FOXN1: variants seen among roughly 807,000 people sequenced by gnomAD.
FOXN1 encodes forkhead box N1, also known as forkhead box protein N1.
In FOXN1, 15 loss-of-function variants were observed where a neutral mutation model predicts 49.0. The ratio of observed to expected loss-of-function variants is 0.31; its 90% confidence interval spans 0.20 to 0.47. FOXN1 has a LOEUF of 0.47. Among genes scored for constraint, FOXN1 ranks in the 20% least tolerant of loss-of-function variants. The pLI is 1.00. For missense variants in FOXN1, 800 were observed against 842.8 expected, an observed-to-expected ratio of 0.95 and a Z score of 0.63; for synonymous variants, 356 against 369.0, an observed-to-expected ratio of 0.96 and a Z score of 0.40.
At position 28,537,878 on chromosome 17, in the gene FOXN1, C is replaced by G. The variant is rs2070109984; in HGVS notation, c.*442C>G. 3.9e-6 allele frequency: 1 copy of G among 256,394 alleles called. No individual in the cohort carries two copies. Among genetic ancestry groups the G allele is most frequent in the African/African-American group, 2.2e-5 (1 of 45,126 alleles). The allele number at this position is 256,394 out of a possible 1,614,324, so 15.9% of individuals were successfully genotyped here. ...CTTTGCTTACCAAAAGCTCAGGGCC[C>G]TGTGCCAGGCCAAAGATCCCCCCAG... On this transcript the variant is annotated 3_prime_UTR_variant, in exon 9 of 9. Transcript: ENST00000579795.
intron 1 of FOXN1, among the ~76,000 whole-genome samples, chr17:28,510,610 ACAC>A (rs1201731508): frequency 2.8e-5 from 4 of 142,072 alleles, no homozygotes; most frequent in African/African-American, 1.1e-4. Flanking sequence ...ACACACACAC[ACAC>A]ATCGCTGTGA....
rs1279415818 is a variant in FOXN1 at position 28,537,908 on chromosome 17, C to G, written c.*472C>G. 3.7e-5 allele frequency: 8 copies of G among 217,600 alleles called. 1 individual carries two copies. Among genetic ancestry groups the G allele is most frequent in the South Asian group, 2.2e-4 (3 of 13,796 alleles). 13.5% of individuals were successfully genotyped at this position (217,600 alleles called of 1,614,324 possible). A position where few individuals can be genotyped will look rare whatever the true frequency, so the allele number is the denominator to read the frequency against. On this transcript the variant is annotated 3_prime_UTR_variant, in exon 9 of 9. Transcript: ENST00000579795. ...CCAGGCCAAAGATCCCCCCAGACCC[C>G]CATTCTGACATCCACATGCTCTGCA...
rs1202762495 is a variant in FOXN1, at chr17:28,534,956, T to C, written c.1385T>C (p.Leu462Pro). 3.1e-6 allele frequency: 5 copies of C among 1,614,020 alleles called. No homozygotes were observed. In the Admixed American group the frequency reaches 6.7e-5, roughly 22 times the overall value. The part of the protein sequence containing the change: ...GQTYLHLSPG[L>P]APPGPPQPLF... The stretch of plus-strand genomic sequence containing the variant: ...ACATACTTGCACCTCTCACCAGGCC[T>C]GGCCCCTCCTGGACCCCCGCAGCCA... Residue 462 changes from leucine (L) to proline (P), a missense_variant, in exon 8 of 9, where the codon CTG becomes CCG. Leu to Pro is a moderately conservative substitution (Grantham distance 98). Coordinates refer to ENST00000579795, the MANE Select transcript of FOXN1 (RefSeq NM_001369369.1). The surrounding 1 kb of genome is among the most constrained non-coding windows in gnomAD (Gnocchi z 4.1).
chr17:28,524,615 A>C lies in FOXN1; in HGVS notation c.236A>C (p.Gln79Pro), dbSNP rs150894024. 1 of 1,613,454 alleles carries C rather than the reference A, an allele frequency of 6.2e-7. No homozygotes were observed. The highest frequency in any genetic ancestry group is 8.5e-7 in the Non-Finnish European group (1 of 1,179,960). ...GCGTCACCAGGGCCCGAGCAAGTCC[A>C]GGGCCACTGCCCAGCCGGCCCCGGC... The part of the protein sequence containing the change: ...RIASPGPEQV[Q>P]GHCPAGPGPG... Residue 79 changes from glutamine (Q) to proline (P), a missense_variant, in exon 3 of 9, where the codon CAG becomes CCG. Physicochemically the swap from Gln to Pro is moderately conservative, Grantham distance 76. Around this residue, in one of 3 missense-constraint regions of FOXN1, gnomAD observed 383 missense variants for 357.9 expected, o/e 1.07. Transcript: ENST00000579795.
intron 1 of FOXN1, among the ~76,000 whole-genome samples, chr17:28,519,680 CTG>C (rs2069601293): frequency 6.6e-6 from 1 of 152,210 alleles, no homozygotes; most frequent in African/African-American, 2.4e-5. Flanking sequence ...CCCCAGGACA[CTG>C]GGGCCAGCAG....
In FOXN1 at chr17:28,534,185, A is replaced by T. The variant is rs2069989990; in HGVS notation, c.928-146A>T. ...ACCACCAAAGGGTACCAAGCAAGGG[A>T]TGGGTGCTGAGGAGGACAACAAGCC... is the stretch of plus-strand genomic sequence containing the variant. On this transcript the variant is annotated intron_variant, in intron 6 of 8. Transcript: ENST00000579795. This position sits in a 1 kb window ranked among gnomAD's most constrained non-coding sequence, Gnocchi z 4.1. The T allele has an allele frequency of 3.6e-6, 4 of 1,124,724 alleles. No individual in the cohort carries two copies. Among genetic ancestry groups the T allele is most frequent in the Non-Finnish European group, 5.2e-6 (4 of 764,810 alleles). The allele number at this position is 1,124,724 out of a possible 1,614,324, so 69.7% of individuals were successfully genotyped here.
At chr17:28,533,583 T>C (rs1289290476) in intron 6 of FOXN1, among the ~76,000 whole-genome samples, 1 of 150,406 alleles carries the variant, frequency 6.6e-6, no homozygotes, top group Non-Finnish European at 1.5e-5. Flanking sequence ...CGATCATGGC[T>C]ACCCACAGTC....
chr17:28,535,342 C>A, intron 8 of FOXN1, 144 bp downstream of exon 8: 2 of 832,940 alleles, frequency 2.4e-6, no homozygotes, highest in South Asian at 3.4e-5. Flanking sequence ...CTGGACCTGG[C>A]AGGGGGAGCT....
At position 28,524,714 on chromosome 17, in the gene FOXN1, C is replaced by T. The variant is rs761166991; in HGVS notation, c.335C>T (p.Pro112Leu). 1 of 1,612,608 alleles carries T rather than the reference C, an allele frequency of 6.2e-7. No homozygotes were observed. The highest frequency in any genetic ancestry group is 1.7e-5 in the Admixed American group (1 of 59,784). The change falls in exon 3 of 9, where the codon CCT becomes CTT. Residue 112 changes from proline (P) to leucine (L), a missense_variant. This residue lies in a region of FOXN1 where 383 missense variants were observed against 357.9 expected (regional missense o/e 1.07). Transcript: ENST00000579795. ...TTTGAGGAGGCCGCAGCAAGCAGCCCTGGGCGATTCCTCAAGGGCAGCCAC... is the reference window on the plus strand; with the variant it reads ...TTTGAGGAGGCCGCAGCAAGCAGCCTTGGGCGATTCCTCAAGGGCAGCCAC... The part of the protein sequence containing the change: ...FGFEEAAASS[P>L]GRFLKGSHAP...
intron 1 of FOXN1, among the ~76,000 whole-genome samples, chr17:28,510,886 C>T (rs2069381554): frequency 6.6e-6 from 1 of 152,194 alleles, no homozygotes; most frequent in African/African-American, 2.4e-5. Context: ...AATGCCAAAT[C>T]CAGTATGATC....
chr17:28,508,374 G>C (rs2069311404), intron 1 of FOXN1, among the ~76,000 whole-genome samples: 1 of 152,204 alleles, frequency 6.6e-6, no homozygotes, highest in East Asian at 1.9e-4. Flanking sequence ...AGACAAGGGG[G>C]AAAGCCCACT....
chr17:28,530,926 G>C, intron 6 of FOXN1, 81 bp downstream of exon 6: 1 of 830,292 alleles, frequency 1.2e-6, no homozygotes, highest in East Asian at 2.4e-5. Flanking sequence ...CTTCTGTCTG[G>C]AGGTGGGAGA....
Position 28,534,232 on chromosome 17 carries a change from T to C in FOXN1, c.928-99T>C. 5.1e-6 allele frequency: 8 copies of C among 1,582,572 alleles called. No individual in the cohort carries two copies. The highest frequency in any genetic ancestry group is 3.3e-5 in the South Asian group (3 of 89,604). On this transcript the variant is annotated intron_variant, in intron 6 of 8. Transcript: ENST00000579795. The surrounding 1 kb of genome is among the most constrained non-coding windows in gnomAD (Gnocchi z 4.1). ...AGCCCCAGAGTGGGCGGCAGCTCTG[T>C]GCCCAGAGGAGAAACAGGAGTGTTC...
chr17:28,507,840 T>TCCTATCCTGGTCCC (rs1443921413), intron 1 of FOXN1, among the ~76,000 whole-genome samples: 3 of 152,194 alleles, frequency 2.0e-5, no homozygotes, highest in African/African-American at 7.2e-5. Context: ...GGGCAGGGCC[T>TCCTATCCTGGTCCC]CCTATCCTGG....
chr17:28,527,769 C>T (rs964549970), intron 4 of FOXN1, among the ~76,000 whole-genome samples: 1 of 152,198 alleles, frequency 6.6e-6, no homozygotes, highest in African/African-American at 2.4e-5. Context: ...CACCATCTTG[C>T]TATGTGACCT....
chr17:28,519,665 G>A (rs750511599), intron 1 of FOXN1, among the ~76,000 whole-genome samples: 1 of 152,196 alleles, frequency 6.6e-6, no homozygotes, highest in Non-Finnish European at 1.5e-5. Context: ...GAATGCAGAT[G>A]TCAGCCCCAG....
At chr17:28,525,013 G>A (rs1456963439) in intron 3 of FOXN1, 46 bp downstream of exon 3, 1 of 1,420,490 alleles carries the variant, frequency 7.0e-7, no homozygotes, top group African/African-American at 1.4e-5. Context: ...CACTGTCCCA[G>A]TTCCTAGCAG....
rs771697647 is a variant in FOXN1, at chr17:28,534,574, G to C, written c.1135+36G>C. ...CCGGGCCACGCAAGGAAGGGCCCAG[G>C]GTACTCATGAGCCAAAAAAAAAAAA... On this transcript the variant is annotated intron_variant, in intron 7 of 8. Coordinates refer to ENST00000579795, the MANE Select transcript of FOXN1 (RefSeq NM_001369369.1). This position sits in a 1 kb window ranked among gnomAD's most constrained non-coding sequence, Gnocchi z 4.1. 6.2e-6 allele frequency: 10 copies of C among 1,603,460 alleles called. No individual in the cohort carries two copies. Among genetic ancestry groups the C allele is most frequent in the Non-Finnish European group, 8.5e-6 (10 of 1,176,832 alleles).
chr17:28,526,716 G>C lies in FOXN1; in HGVS notation c.589-535G>C, dbSNP rs553333681. ...GGAGAGGAGTTACTAGCCCCATTCA[G>C]AGATCCTGCTGGAGCTTCCTGGGGC... On this transcript the variant is annotated intron_variant, in intron 3 of 8. Coordinates refer to ENST00000579795, the MANE Select transcript of FOXN1 (RefSeq NM_001369369.1). Among the ~76,000 whole-genome samples, 161 of 152,194 alleles carry C rather than the reference G, an allele frequency of 1.1e-3. 1 individual carries two copies. Among genetic ancestry groups the C allele is most frequent in the Non-Finnish European group, 7.2e-4 (49 of 68,022 alleles).
Sources: allele counts gnomAD v4.1 joint callset (sites outside exome capture counted in the v4.1 genomes callset), GRCh38; gene constraint gnomAD v4.1.1; regional missense constraint gnomAD v4.1.1; non-coding constraint Gnocchi (gnomAD v3.1); transcripts MANE v1.5; gene names NCBI Gene and HGNC (gene_info 2026-07-23, HGNC 2026-07-21).